Variants in ARL15 observed in about 807,000 individuals in gnomAD.
The protein encoded by ARL15 is ARF like GTPase 15, also known as ADP-ribosylation factor-like protein 15.
A neutral mutation model predicts 25.2 loss-of-function variants in ARL15; 19 were observed. The observed-to-expected ratio is 0.75, with a 90% CI of 0.53 to 1.10. The LOEUF is 1.10. Ranked by LOEUF, ARL15 falls within the 50% of genes least tolerant of loss-of-function variation. ARL15 has a pLI of 0.00. For synonymous variants in ARL15, 94 were observed against 86.8 expected (o/e 1.08, Z -0.46); for missense variants, 220 against 246.0 (o/e 0.89, Z 0.71).
intron 4 of ARL15, among the ~76,000 whole-genome samples, chr5:54,063,819 G>T (rs1751136496): frequency 6.6e-6 from 1 of 152,054 alleles, no homozygotes; most frequent in South Asian, 2.1e-4. Flanking sequence ...AAGCTAATTT[G>T]GGAGGTGTTT....
At chr5:54,134,123 A>G (rs1044782218) in intron 3 of ARL15, among the ~76,000 whole-genome samples, 12 of 152,170 alleles carry the variant, frequency 7.9e-5, no homozygotes, top group African/African-American at 2.2e-4. Flanking sequence ...TTACCAGATG[A>G]TTGGTGATAG....
chr5:54,037,537 A>G (rs1284512218), intron 4 of ARL15, among the ~76,000 whole-genome samples: 1 of 152,136 alleles, frequency 6.6e-6, no homozygotes, highest in Non-Finnish European at 1.5e-5. Flanking sequence ...GAAAAAGTTT[A>G]CGTGATGTCT....
chr5:54,208,953 T>C (rs1270489736), intron 1 of ARL15, among the ~76,000 whole-genome samples: 1 of 152,116 alleles, frequency 6.6e-6, no homozygotes, highest in East Asian at 1.9e-4. Flanking sequence ...AGGAGATTTA[T>C]ACAACTCAAG....
rs1054198878 is a variant in ARL15 at position 54,200,218 on chromosome 5, G to A, written c.49-28290C>T. On this transcript the variant is annotated intron_variant, in intron 1 of 4. Transcript: ENST00000504924. Reference sequence around the variant, plus strand: ...TAGATGACGAGTTAGTGGGTGCAGCGCACCAGCATGGCACATGTATACATA... The same window carrying A: ...TAGATGACGAGTTAGTGGGTGCAGCACACCAGCATGGCACATGTATACATA... Among the ~76,000 whole-genome samples the A allele has an allele frequency of 2.2e-4, 33 of 150,856 alleles. 1 individual carries two copies. Among genetic ancestry groups the A allele is most frequent in the Middle Eastern group, 3.5e-3 (1 of 288 alleles).
At chr5:54,089,969 G>A (rs1360273182) in intron 4 of ARL15, among the ~76,000 whole-genome samples, 1 of 152,036 alleles carries the variant, frequency 6.6e-6, no homozygotes. Flanking sequence ...ATACTGATAA[G>A]GATATAAACA....
chr5:54,212,452 T>G (rs1756070420), intron 1 of ARL15, among the ~76,000 whole-genome samples: 1 of 151,926 alleles, frequency 6.6e-6, no homozygotes, highest in South Asian at 2.1e-4. Flanking sequence ...CCCTCCCCCA[T>G]AAGATCACTA....
At chr5:54,071,694 A>G (rs911682967) in intron 4 of ARL15, among the ~76,000 whole-genome samples, 4 of 152,106 alleles carry the variant, frequency 2.6e-5, no homozygotes, top group Non-Finnish European at 5.9e-5. Context: ...GCTACCGGCC[A>G]GGCGCGGTGG....
chr5:54,209,692 GA>G (rs139790359), intron 1 of ARL15, among the ~76,000 whole-genome samples: 86 of 149,616 alleles, frequency 5.7e-4, no homozygotes, highest in African/African-American at 2.0e-3. Flanking sequence ...CACATATAAT[GA>G]AAAAAAAAAT....
intron 4 of ARL15, among the ~76,000 whole-genome samples, chr5:53,981,282 G>A (rs1156456147): frequency 6.6e-6 from 1 of 152,172 alleles, no homozygotes; most frequent in Non-Finnish European, 1.5e-5. Flanking sequence ...AAGAATATGT[G>A]AGAATGGTAT....
chr5:54,023,866 G>C (rs950585027), intron 4 of ARL15, among the ~76,000 whole-genome samples: 1 of 152,100 alleles, frequency 6.6e-6, no homozygotes, highest in Admixed American at 6.5e-5. Context: ...TTTTTGTCAC[G>C]AACCATCGTG....
At chr5:53,895,116 G>C (rs1744832155) in intron 4 of ARL15, among the ~76,000 whole-genome samples, 1 of 152,166 alleles carries the variant, frequency 6.6e-6, no homozygotes, top group Non-Finnish European at 1.5e-5. Flanking sequence ...TCAACCCCTG[G>C]CCTAAAGCAT....
At chr5:53,994,756 T>A (rs67430852) in intron 4 of ARL15, among the ~76,000 whole-genome samples, 41,544 of 152,002 alleles carry the variant, frequency 0.27, 5,854 homozygotes, top group East Asian at 0.46. Flanking sequence ...AAATTTTTTT[T>A]AAATTATTTT....
intron 4 of ARL15, among the ~76,000 whole-genome samples, chr5:53,923,930 T>C (rs1180726192): frequency 1.3e-5 from 2 of 152,124 alleles, no homozygotes; most frequent in African/African-American, 4.8e-5. Context: ...CACTGTAAAG[T>C]TAAAAGACTT....
At chr5:54,180,018 GAAAAAA>G (rs11336058) in intron 1 of ARL15, among the ~76,000 whole-genome samples, 3 of 110,002 alleles carry the variant, frequency 2.7e-5, no homozygotes, top group South Asian at 2.9e-4. Context: ...ACTGTCTCGA[GAAAAAA>G]AAAAAAAAAA....
At chr5:54,162,524 A>G (rs1011879284) in intron 2 of ARL15, among the ~76,000 whole-genome samples, 1 of 152,122 alleles carries the variant, frequency 6.6e-6, no homozygotes, top group Non-Finnish European at 1.5e-5. Context: ...ACTTCATCAT[A>G]GCCACTTGTT....
At chr5:54,077,765 C>T (rs1751659061) in intron 4 of ARL15, among the ~76,000 whole-genome samples, 1 of 152,100 alleles carries the variant, frequency 6.6e-6, no homozygotes. Context: ...GGTAAGCTGT[C>T]TGTCATTTGG....
intron 4 of ARL15, among the ~76,000 whole-genome samples, chr5:54,017,602 AAAC>A (rs1339080150): frequency 1.2e-4 from 18 of 148,308 alleles, no homozygotes; most frequent in African/African-American, 4.2e-4. Flanking sequence ...AAAAAAAAAA[AAAC>A]CCAAACCAAA....
At chr5:53,952,033 C>T (rs1401786246) in intron 4 of ARL15, among the ~76,000 whole-genome samples, 4 of 151,458 alleles carry the variant, frequency 2.6e-5, no homozygotes, top group Admixed American at 6.6e-5. Context: ...TTTGGGAGGC[C>T]GAGGAGGGTG....
intron 1 of ARL15, among the ~76,000 whole-genome samples, chr5:54,222,978 C>T (rs1403518585): frequency 7.7e-6 from 1 of 130,228 alleles, no homozygotes; most frequent in African/African-American, 3.1e-5. Flanking sequence ...CGTCACTATG[C>T]CTGGATTTTT....
Sources: gnomAD v4.1 joint callset for allele counts (sites outside exome capture counted in the v4.1 genomes callset) on GRCh38, gnomAD v4.1.1 for gene constraint, MANE v1.5 for transcripts, NCBI Gene and HGNC (gene_info 2026-07-23, HGNC 2026-07-21) for gene names.